LRP1B: variants seen among roughly 807,000 people sequenced by gnomAD.
The protein encoded by LRP1B is low-density lipoprotein receptor-related protein 1B.
Under a neutral mutation model 556.6 loss-of-function variants are expected in LRP1B, and 217 were observed. That is an observed-to-expected ratio of 0.39 (90% confidence interval 0.35 to 0.44). LRP1B has a LOEUF of 0.44. Ranked by LOEUF, LRP1B falls within the 20% of genes least tolerant of loss-of-function variation. The pLI is 1.00. For synonymous variants in LRP1B, 2,047 were observed against 1,865.8 expected, an observed-to-expected ratio of 1.10 and a Z score of -2.50; for missense variants, 5,053 against 5,620.8, an observed-to-expected ratio of 0.90 and a Z score of 3.23.
intron 83 of LRP1B, among the ~76,000 whole-genome samples, chr2:140,312,136 G>A (rs542615037): frequency 6.6e-6 from 1 of 151,870 alleles, no homozygotes; most frequent in Non-Finnish European, 1.5e-5. Flanking sequence ...GACAGCTTCT[G>A]CCTTCTTGTT....
intron 43 of LRP1B, among the ~76,000 whole-genome samples, chr2:140,583,127 A>G (rs945332654): frequency 1.3e-5 from 2 of 149,670 alleles, no homozygotes; most frequent in African/African-American, 2.5e-5. Context: ...GCATGAGAGC[A>G]TGAGTCTACT....
chr2:141,460,950 G>C (rs2105042055), intron 3 of LRP1B, among the ~76,000 whole-genome samples: 1 of 152,080 alleles, frequency 6.6e-6, no homozygotes. Flanking sequence ...TGTTGAGTTG[G>C]AGATATCTAT....
chr2:141,033,520 G>A (rs1408072975), intron 11 of LRP1B, among the ~76,000 whole-genome samples: 2 of 143,342 alleles, frequency 1.4e-5, no homozygotes, highest in African/African-American at 5.0e-5. Context: ...ATCTGCTATG[G>A]ACTGAATGTT....
intron 12 of LRP1B, 65 bp downstream of exon 12, chr2:141,019,857 C>A (rs1698014769): frequency 8.4e-7 from 1 of 1,185,738 alleles, no homozygotes; most frequent in Non-Finnish European, 1.2e-6. Context: ...CTATTATTAA[C>A]TATGTAAGAA....
chr2:142,005,027 T>C (rs916309574), intron 1 of LRP1B, among the ~76,000 whole-genome samples: 3 of 148,366 alleles, frequency 2.0e-5, no homozygotes, highest in African/African-American at 7.3e-5. Flanking sequence ...ATATATTTAG[T>C]ATTATAGATA....
chr2:142,034,256 T>C (rs948564544), intron 1 of LRP1B, among the ~76,000 whole-genome samples: 1 of 151,800 alleles, frequency 6.6e-6, no homozygotes, highest in Non-Finnish European at 1.5e-5. Flanking sequence ...GAGTATAATA[T>C]GATCAGATAT....
chr2:140,846,023 C>A (rs1309646286), intron 29 of LRP1B, among the ~76,000 whole-genome samples: 1 of 152,044 alleles, frequency 6.6e-6, no homozygotes, highest in Non-Finnish European at 1.5e-5. Context: ...ATGGAAGATA[C>A]AACTCTAGGT....
intron 2 of LRP1B, among the ~76,000 whole-genome samples, chr2:141,776,076 G>A (rs557780954): frequency 6.6e-6 from 1 of 152,098 alleles, no homozygotes; most frequent in Admixed American, 6.5e-5. Context: ...TCGATCTCCT[G>A]ACCTCATGAT....
chr2:141,226,122 C>G (rs1683237155), intron 6 of LRP1B, among the ~76,000 whole-genome samples: 1 of 72,104 alleles, frequency 1.4e-5, no homozygotes, highest in African/African-American at 2.9e-5. Context: ...AATTTTCCCC[C>G]CCAAAAAAAA....
At chr2:140,863,669 C>T (rs1006838396) in intron 27 of LRP1B, among the ~76,000 whole-genome samples, 3 of 152,086 alleles carry the variant, frequency 2.0e-5, no homozygotes, top group East Asian at 1.9e-4. Context: ...AGTAATTTGC[C>T]TCAGGTAACA....
chr2:140,586,952 A>AT (rs573647545), intron 43 of LRP1B, among the ~76,000 whole-genome samples: 69 of 152,208 alleles, frequency 4.5e-4, no homozygotes, highest in Middle Eastern at 6.8e-3. Flanking sequence ...CTATAATAAA[A>AT]TTTTTTTAAA....
At chr2:142,026,121 C>A (rs1703493207) in intron 1 of LRP1B, among the ~76,000 whole-genome samples, 1 of 152,038 alleles carries the variant, frequency 6.6e-6, no homozygotes, top group African/African-American at 2.4e-5. Flanking sequence ...AAAAAAAACC[C>A]CATACTTTAT....
chr2:140,940,244 T>G (rs949099885), intron 20 of LRP1B, among the ~76,000 whole-genome samples: 3 of 152,120 alleles, frequency 2.0e-5, no homozygotes, highest in African/African-American at 7.2e-5. Flanking sequence ...GAAATAGCTA[T>G]CTAAAGATAC....
chr2:141,151,528 T>C (rs1279357993), intron 7 of LRP1B, among the ~76,000 whole-genome samples: 3 of 152,212 alleles, frequency 2.0e-5, no homozygotes, highest in African/African-American at 4.8e-5. Flanking sequence ...TCATAGATTA[T>C]GAAGATGGCT....
chr2:141,056,293 TATC>T (rs1699177055), intron 9 of LRP1B, among the ~76,000 whole-genome samples: 1 of 151,848 alleles, frequency 6.6e-6, no homozygotes, highest in African/African-American at 2.4e-5. Flanking sequence ...TTCTAAATCT[TATC>T]ATCACTTTTG....
At chr2:141,445,079 C>G (rs1346388362) in intron 3 of LRP1B, among the ~76,000 whole-genome samples, 1 of 152,078 alleles carries the variant, frequency 6.6e-6, no homozygotes, top group Admixed American at 6.6e-5. Context: ...GGTTGGTAGG[C>G]TATTAATTAC....
At chr2:141,275,809 T>C (rs923319325) in intron 3 of LRP1B, among the ~76,000 whole-genome samples, 48 of 152,128 alleles carry the variant, frequency 3.2e-4, no homozygotes, top group Non-Finnish European at 2.4e-4. Flanking sequence ...GGGGTGTCTT[T>C]GGAGAACAGA....
At chr2:140,517,157 G>A in intron 49 of LRP1B, 146 bp from the exon 50 acceptor site, 1 of 628,544 alleles carries the variant, frequency 1.6e-6, no homozygotes, top group Non-Finnish European at 2.7e-6. Context: ...GAATGTCAAG[G>A]TTATGAAAAT....
chr2:140,699,800 T>A (rs1484539532), intron 41 of LRP1B, among the ~76,000 whole-genome samples: 1 of 147,460 alleles, frequency 6.8e-6, no homozygotes, highest in Non-Finnish European at 1.5e-5. Flanking sequence ...ATATATATTA[T>A]ATATATATTT....
Sources: gnomAD v4.1 joint callset for allele counts (sites outside exome capture counted in the v4.1 genomes callset) on GRCh38, gnomAD v4.1.1 for gene constraint, MANE v1.5 for transcripts, NCBI Gene and HGNC (gene_info 2026-07-23, HGNC 2026-07-21) for gene names.